The following URB2 variants were observed in gnomAD, a reference collection of about 807,000 sequenced individuals.
The protein encoded by URB2 is unhealthy ribosome biogenesis protein 2 homolog.
Under a neutral mutation model 120.9 loss-of-function variants are expected in URB2, and 86 were observed. The ratio of observed to expected loss-of-function variants is 0.71; its 90% CI spans 0.60 to 0.85. The LOEUF (loss-of-function observed/expected upper bound fraction) is 0.85, where lower values mean the gene tolerates loss of function less well. Ranked by LOEUF, URB2 falls within the 40% of genes least tolerant of loss-of-function variation. URB2 has a pLI of 0.00. For missense variants in URB2, 1,765 were observed against 1,836.5 expected (o/e 0.96, Z 0.71); for synonymous variants, 755 against 758.4 (o/e 1.00, Z 0.07).
intron 9 of URB2, among the ~76,000 whole-genome samples, chr1:229,657,751 G>C (rs1276224521): frequency 6.6e-6 from 1 of 152,146 alleles, no homozygotes; most frequent in Admixed American, 6.5e-5. Context: ...TCACTTGTCA[G>C]AAATTTCTGA....
chr1:229,638,279 T>C, intron 4 of URB2, 32 bp downstream of exon 4: 1 of 1,548,140 alleles, frequency 6.5e-7, no homozygotes, highest in Non-Finnish European at 8.7e-7. Context: ...TAATTCTGTG[T>C]TATAGAGGTC....
chr1:229,652,762 G>A (rs533949484), intron 8 of URB2, among the ~76,000 whole-genome samples: 12 of 152,368 alleles, frequency 7.9e-5, no homozygotes, highest in East Asian at 5.8e-4. Flanking sequence ...CTGCCTGGAC[G>A]GAAGGCCGGG....
At position 229,627,758 on chromosome 1, in the gene URB2, A is replaced by G; in HGVS notation, c.125A>G (p.Gln42Arg). 7 of 1,608,272 alleles carry G rather than the reference A, an allele frequency of 4.4e-6. No homozygotes were observed. Among genetic ancestry groups the G allele is most frequent in the Non-Finnish European group, 5.9e-6 (7 of 1,177,354 alleles). The change falls in exon 2 of 10, where the codon CAA becomes CGA. Residue 42 changes from glutamine to arginine, a missense_variant and splice_region_variant. Coordinates refer to ENST00000258243, the MANE Select transcript of URB2 (RefSeq NM_014777.4). Reference protein sequence around the residue: ...SHQCFLPNKEQVLLDWARQSL... With the variant: ...SHQCFLPNKERVLLDWARQSL... The stretch of plus-strand genomic sequence containing the variant: ...CAGTGCTTTCTTCCAAATAAAGAAC[A>G]AGTAAGTTTAATGTGAAACTCATAT...
Position 229,654,192 on chromosome 1 carries a change from G to A in URB2, c.4238-57G>A, listed in dbSNP as rs565157375. ...CCCATATTAAAAGTCTAACATAGAA[G>A]AGTTAAAATGTGCTGTTTTTGAACT... On this transcript the variant is annotated intron_variant, in intron 8 of 9. Coordinates refer to ENST00000258243, the MANE Select transcript of URB2 (RefSeq NM_014777.4). 129 of 1,599,086 alleles carry A rather than the reference G, an allele frequency of 8.1e-5. 1 individual carries two copies. In the South Asian group the frequency reaches 1.0e-3, roughly 13 times the overall value.
chr1:229,644,973 A>G (rs1385707687), intron 5 of URB2, among the ~76,000 whole-genome samples: 1 of 152,194 alleles, frequency 6.6e-6, no homozygotes, highest in Non-Finnish European at 1.5e-5. Flanking sequence ...TTACATATTC[A>G]CAATACTGAT....
intron 8 of URB2, among the ~76,000 whole-genome samples, chr1:229,654,011 C>T (rs954671154): frequency 3.7e-5 from 5 of 134,512 alleles, no homozygotes; most frequent in African/African-American, 1.1e-4. Context: ...TCTGGTTAGA[C>T]TCTTAAAAAC....
intron 7 of URB2, 154 bp from the exon 8 acceptor site, chr1:229,651,081 C>T: frequency 1.9e-6 from 1 of 516,138 alleles, no homozygotes; most frequent in Non-Finnish European, 3.2e-6. Flanking sequence ...GCAGCATGTC[C>T]AGGCGAAAGG....
intron 9 of URB2, among the ~76,000 whole-genome samples, chr1:229,657,395 G>C (rs1179145040): frequency 6.6e-6 from 1 of 152,336 alleles, no homozygotes; most frequent in East Asian, 1.9e-4. Flanking sequence ...GTAGTTCAGA[G>C]CATGGGCTCT....
intron 9 of URB2, among the ~76,000 whole-genome samples, chr1:229,657,141 A>C (rs1666425261): frequency 6.6e-6 from 1 of 152,242 alleles, no homozygotes; most frequent in Non-Finnish European, 1.5e-5. Flanking sequence ...ATAGCTTAGA[A>C]TAAGTAGTTT....
rs112764459 is a variant in URB2, at chr1:229,628,750, G to A, written c.126+991G>A. Among the ~76,000 whole-genome samples, 1,416 of 152,280 alleles carry A rather than the reference G, an allele frequency of 9.3e-3. 21 individuals carry two copies. Among genetic ancestry groups the A allele is most frequent in the African/African-American group, 0.032 (1,342 of 41,540 alleles). ...TGTTAGAATTTCTCAGGCTTTTTAGGCTAAAAATTAGTTGGCATGATAAAC... is the reference window on the plus strand; with the variant it reads ...TGTTAGAATTTCTCAGGCTTTTTAGACTAAAAATTAGTTGGCATGATAAAC... On this transcript the variant is annotated intron_variant, in intron 2 of 9. Transcript: ENST00000258243.
intron 8 of URB2, among the ~76,000 whole-genome samples, chr1:229,653,937 T>G (rs1010312689): frequency 8.9e-5 from 8 of 90,146 alleles, no homozygotes; most frequent in Admixed American, 1.4e-4. Flanking sequence ...CATCTTGGTG[T>G]TTTTTTTTTT....
chr1:229,640,540 A>G (rs1665979973), intron 4 of URB2, among the ~76,000 whole-genome samples: 1 of 152,100 alleles, frequency 6.6e-6, no homozygotes, highest in Non-Finnish European at 1.5e-5. Context: ...TTAATGTCAC[A>G]TTAACGTCTG....
chr1:229,631,657 A>C (rs751961867), intron 2 of URB2, among the ~76,000 whole-genome samples: 3 of 152,340 alleles, frequency 2.0e-5, no homozygotes, highest in Non-Finnish European at 2.9e-5. Context: ...CCGTCAGGGT[A>C]ATAGCATTTT....
chr1:229,627,331 A>G (rs1665521022), intron 1 of URB2, among the ~76,000 whole-genome samples: 1 of 152,138 alleles, frequency 6.6e-6, no homozygotes, highest in South Asian at 2.1e-4. Flanking sequence ...ATTCCTGAAC[A>G]CTCACCTTTG....
chr1:229,637,903 C>G lies in URB2; in HGVS notation c.3290C>G (p.Ala1097Gly), dbSNP rs1247656533. ...CAGCAGGTTGTGCTGCAGACAGGAG[C>G]TGTGCTGCAGCTCTGCTCAGTGCCG... ...LLQQVVLQTG[A>G]VLQLCSVPGA... The change falls in exon 4 of 10, where the codon GCT becomes GGT. Residue 1097 changes from alanine to glycine, a missense_variant. Physicochemically the swap from Ala to Gly is moderately conservative, Grantham distance 60. Coordinates refer to ENST00000258243, the MANE Select transcript of URB2 (RefSeq NM_014777.4). 2 of 1,605,706 alleles carry G rather than the reference C, an allele frequency of 1.2e-6. No homozygotes were observed. The highest frequency in any genetic ancestry group is 3.4e-5 in the Admixed American group (2 of 58,424).
At chr1:229,630,982 C>CA (rs57940336) in intron 2 of URB2, among the ~76,000 whole-genome samples, 33,910 of 65,542 alleles carry the variant, frequency 0.52, 7,819 homozygotes, top group East Asian at 0.7. Flanking sequence ...AACTCCGTCT[C>CA]AAAAAAAAAA....
At chr1:229,650,421 C>G (rs1666240474) in intron 7 of URB2, among the ~76,000 whole-genome samples, 1 of 152,048 alleles carries the variant, frequency 6.6e-6, no homozygotes, top group Non-Finnish European at 1.5e-5. Context: ...CATGTTTTGT[C>G]ATCAAAATCT....
intron 3 of URB2, among the ~76,000 whole-genome samples, chr1:229,634,462 C>T (rs1665741956): frequency 6.6e-6 from 1 of 152,182 alleles, no homozygotes; most frequent in South Asian, 2.1e-4. Flanking sequence ...GCCTCGGCCT[C>T]TCAAAGTGCT....
chr1:229,649,821 A>G (rs1429460067), intron 7 of URB2, among the ~76,000 whole-genome samples: 1 of 152,226 alleles, frequency 6.6e-6, no homozygotes, highest in East Asian at 1.9e-4. Context: ...ACAACCTATC[A>G]TCCTCATTTT....
Sources: allele counts gnomAD v4.1 joint callset (sites outside exome capture counted in the v4.1 genomes callset), GRCh38; gene constraint gnomAD v4.1.1; transcripts MANE v1.5; gene names NCBI Gene and HGNC (gene_info 2026-07-23, HGNC 2026-07-21).